SAMD12: variants seen among roughly 807,000 people sequenced by gnomAD.
SAMD12 encodes sterile alpha motif domain-containing protein 12.
Under a neutral mutation model 15.0 loss-of-function variants are expected in SAMD12, and 9 were observed. The ratio of observed to expected loss-of-function variants is 0.60; its 90% CI spans 0.36 to 1.05. The LOEUF is 1.05. Ranked by LOEUF, SAMD12 falls within the 50% of genes least tolerant of loss-of-function variation. The pLI, the probability that SAMD12 is intolerant of heterozygous loss-of-function variation, is 0.01. For missense variants in SAMD12, 230 were observed against 234.2 expected (o/e 0.98, Z 0.12); for synonymous variants, 86 against 90.1 (o/e 0.96, Z 0.25).
At chr8:118,377,922 T>C (rs374540093), downstream of SAMD12, 1 of 152,324 alleles carries the variant, frequency 6.6e-6, no homozygotes, top group African/African-American at 2.4e-5. Context: ...CTGATTATAA[T>C]TGTAATATGA....
the SAMD12 span, among the ~76,000 whole-genome samples, chr8:118,172,530 G>A: frequency 5.3e-5 from 8 of 152,312 alleles, no homozygotes; most frequent in Admixed American, 5.2e-4. Flanking sequence ...AATTAGCTGA[G>A]TTGAACCTTG....
intron 1 of SAMD12, among the ~76,000 whole-genome samples, chr8:118,583,780 C>A (rs1015887594): frequency 1.5e-4 from 23 of 152,162 alleles, no homozygotes; most frequent in African/African-American, 5.6e-4. Flanking sequence ...AGCAAGAAAC[C>A]ATTCCCTATG....
At chr8:118,600,786 C>CT (rs371897277) in intron 1 of SAMD12, among the ~76,000 whole-genome samples, 8 of 148,042 alleles carry the variant, frequency 5.4e-5, no homozygotes, top group East Asian at 2.0e-4. Context: ...GCCATTTGTG[C>CT]TTTTTTTTTT....
chr8:118,424,261 T>C (rs915786403), intron 3 of SAMD12, among the ~76,000 whole-genome samples: 2 of 152,232 alleles, frequency 1.3e-5, no homozygotes, highest in Non-Finnish European at 2.9e-5. Flanking sequence ...CTGTAACACA[T>C]ATATGTTTAT....
intron 2 of SAMD12, among the ~76,000 whole-genome samples, chr8:118,534,145 C>CA (rs1244814000): frequency 6.6e-6 from 1 of 152,144 alleles, no homozygotes. Flanking sequence ...CTGGTGGTGA[C>CA]AAAATCTCTC....
intron 3 of SAMD12, among the ~76,000 whole-genome samples, chr8:118,419,399 A>G (rs1445032566): frequency 6.6e-6 from 1 of 152,260 alleles, no homozygotes; most frequent in Non-Finnish European, 1.5e-5. Flanking sequence ...ATCACTTTAT[A>G]AAGTTCAAGT....
At chr8:118,223,633 T>C (rs1352388852) in intron 4 of SAMD12, among the ~76,000 whole-genome samples, 1 of 152,220 alleles carries the variant, frequency 6.6e-6, no homozygotes, top group African/African-American at 2.4e-5. Flanking sequence ...CAAGGATTCC[T>C]TGCGGGATGG....
intron 4 of SAMD12, among the ~76,000 whole-genome samples, chr8:118,220,322 T>C (rs932212097): frequency 1.3e-5 from 2 of 152,236 alleles, no homozygotes; most frequent in African/African-American, 4.8e-5. Context: ...CAAAGATATA[T>C]CTATCCACTA....
At chr8:118,556,556 G>C (rs1001628316) in intron 2 of SAMD12, among the ~76,000 whole-genome samples, 2 of 152,214 alleles carry the variant, frequency 1.3e-5, no homozygotes, top group Non-Finnish European at 2.9e-5. Flanking sequence ...AATTGCAATT[G>C]TCAATATAAT....
At position 118,540,213 on chromosome 8, in the gene SAMD12, C is replaced by T. The variant is rs151051765; in HGVS notation, c.192+40502G>A. Among the ~76,000 whole-genome samples the T allele has an allele frequency of 3.2e-3, 488 of 152,334 alleles. 3 individuals carry two copies. Among genetic ancestry groups the T allele is most frequent in the African/African-American group, 0.011 (465 of 41,574 alleles). On this transcript the variant is annotated intron_variant, in intron 2 of 3. Coordinates refer to ENST00000314727, the MANE Select transcript of SAMD12 (RefSeq NM_207506.3). ...ATTGTCACTCATTTTAAAAGTCTCT[C>T]TCATCATCCTAAGGTGACTCCAAAT...
chr8:118,564,415 G>C (rs1463231303), intron 2 of SAMD12, among the ~76,000 whole-genome samples: 2 of 152,158 alleles, frequency 1.3e-5, no homozygotes, highest in African/African-American at 4.8e-5. Context: ...GGGCACTAGA[G>C]AGATGCATGC....
intron 2 of SAMD12, among the ~76,000 whole-genome samples, chr8:118,569,434 C>G (rs1307460889): frequency 6.6e-6 from 1 of 151,990 alleles, no homozygotes; most frequent in African/African-American, 2.4e-5. Flanking sequence ...AAAAAAAATC[C>G]CAAATCCAAA....
chr8:118,347,290 G>C (rs1346042824), intron 4 of SAMD12, among the ~76,000 whole-genome samples: 3 of 152,184 alleles, frequency 2.0e-5, no homozygotes, highest in Non-Finnish European at 4.4e-5. Flanking sequence ...TAGGCTCCCA[G>C]AAGGAAAGCA....
intron 2 of SAMD12, among the ~76,000 whole-genome samples, chr8:118,553,059 A>G (rs1257254702): frequency 1.3e-5 from 2 of 152,108 alleles, no homozygotes; most frequent in South Asian, 2.1e-4. Flanking sequence ...AGAACATTCC[A>G]TGCTCATGGA....
exon 5 of SAMD12, chr8:118,191,224 G>C (rs1414225680): frequency 1.3e-5 from 2 of 152,092 alleles, no homozygotes; most frequent in Non-Finnish European, 2.9e-5. Flanking sequence ...TCTGCAATGT[G>C]AGCTTCTTTT....
chr8:118,449,497 C>T (rs550987970), intron 2 of SAMD12, among the ~76,000 whole-genome samples: 75 of 152,040 alleles, frequency 4.9e-4, no homozygotes, highest in African/African-American at 1.8e-3. Context: ...GTGAAAAACA[C>T]AGGCATAGGA....
At chr8:118,548,380 C>CACAT (rs1554583398) in intron 2 of SAMD12, among the ~76,000 whole-genome samples, 8 of 107,630 alleles carry the variant, frequency 7.4e-5, no homozygotes, top group African/African-American at 2.9e-4. Flanking sequence ...ACTAAAAACA[C>CACAT]ACATACACAC....
At chr8:118,264,314 C>G (rs367548487) in intron 4 of SAMD12, among the ~76,000 whole-genome samples, 10 of 152,248 alleles carry the variant, frequency 6.6e-5, no homozygotes, top group Admixed American at 6.5e-5. Flanking sequence ...TGCTAGCCAT[C>G]TTTTACAAAA....
chr8:118,182,032 A>C, the SAMD12 span, among the ~76,000 whole-genome samples: 2 of 151,992 alleles, frequency 1.3e-5, no homozygotes, highest in African/African-American at 4.8e-5. Context: ...TTTTTTTTCC[A>C]CTTGGCCGCA....
Sources: gnomAD v4.1 joint callset for allele counts (sites outside exome capture counted in the v4.1 genomes callset) on GRCh38, gnomAD v4.1.1 for gene constraint, MANE v1.5 for transcripts, NCBI Gene and HGNC (gene_info 2026-07-23, HGNC 2026-07-21) for gene names.